HDAC1: variants seen among roughly 807,000 people sequenced by gnomAD.
HDAC1 encodes histone deacetylase 1, also known as protein deacetylase HDAC1.
In HDAC1, 18 loss-of-function variants were observed where a neutral mutation model predicts 65.5. That is an observed-to-expected ratio of 0.27 (90% CI 0.19 to 0.41). The LOEUF (loss-of-function observed/expected upper bound fraction) is 0.41, where lower values mean the gene tolerates loss of function less well. HDAC1 is among the 10% of genes least tolerant of loss of function. HDAC1 has a pLI of 1.00. For synonymous variants in HDAC1, 211 were observed against 227.9 expected (o/e 0.93, Z 0.67); for missense variants, 373 against 625.2 (o/e 0.60, Z 4.30).
intron 2 of HDAC1, among the ~76,000 whole-genome samples, chr1:32,304,997 C>G (rs760457167): frequency 2.6e-5 from 4 of 152,146 alleles, no homozygotes; most frequent in Non-Finnish European, 5.9e-5. Context: ...TAAGCATCAG[C>G]CACCATGCCT....
chr1:32,326,855 ACCTTTCACTAGGTTC>A, intron 4 of HDAC1, 69 bp from the exon 5 acceptor site: 1 of 1,495,650 alleles, frequency 6.7e-7, no homozygotes, highest in East Asian at 2.3e-5. Flanking sequence ...GCAGGTCTTA[ACCTTTCACTAGGTTC>A]CCTGGGCTTC....
At chr1:32,314,422 G>A (rs1333668747) in intron 2 of HDAC1, among the ~76,000 whole-genome samples, 1 of 151,958 alleles carries the variant, frequency 6.6e-6, no homozygotes, top group Non-Finnish European at 1.5e-5. Flanking sequence ...CAAACTCCTG[G>A]GTTCAAGTGA....
chr1:32,332,207 A>C lies in HDAC1; in HGVS notation c.1337A>C (p.Glu446Ala). 6.2e-7 allele frequency: 1 copy of C among 1,613,372 alleles called. No homozygotes were observed. The highest frequency in any genetic ancestry group is 1.1e-5 in the South Asian group (1 of 91,036). ...AAAAAAGCCAAGAGAGTCAAAACAG[A>C]GGATGAAAAAGAGAAAGACCCAGAG... ...NFKKAKRVKT[E>A]DEKEKDPEEK... The change falls in exon 12 of 14, where the codon GAG becomes GCG. Residue 446 changes from glutamate (E) to alanine (A), a missense_variant. Coordinates refer to ENST00000373548, the MANE Select transcript of HDAC1 (RefSeq NM_004964.3).
intron 1 of HDAC1, 162 bp downstream of exon 1, chr1:32,292,380 T>A: frequency 1.0e-6 from 1 of 984,816 alleles, no homozygotes; most frequent in African/African-American, 1.8e-5. Context: ...GGGAGGAGGC[T>A]GCGAGGAAGG....
intron 2 of HDAC1, among the ~76,000 whole-genome samples, chr1:32,312,322 C>G (rs2148062871): frequency 6.6e-6 from 1 of 152,100 alleles, no homozygotes; most frequent in South Asian, 2.1e-4. Context: ...TCTATAGTTT[C>G]CTCCCTGTGA....
rs1641241010 is a variant in HDAC1, at chr1:32,327,889, C to T, written c.636+212C>T. 6.6e-6 allele frequency: 4 copies of T among 601,900 alleles called. No individual in the cohort carries two copies. The highest frequency in any genetic ancestry group is 2.9e-4 in the Middle Eastern group (1 of 3,438). The allele number at this position is 601,900 out of a possible 1,614,324, so 37.3% of individuals were successfully genotyped here. A position where few individuals can be genotyped will look rare whatever the true frequency, so the allele number is the denominator to read the frequency against. ...AAAGGGCCAGAGAAAGAAGAGGGGT[C>T]TCCTGACTCACTGTACTTTCCTCCT... is the stretch of plus-strand genomic sequence containing the variant. On this transcript the variant is annotated intron_variant, in intron 6 of 13. Coordinates refer to ENST00000373548, the MANE Select transcript of HDAC1 (RefSeq NM_004964.3). The surrounding 1 kb of genome is among the most constrained non-coding windows in gnomAD (Gnocchi z 6.0).
rs1641264872 is a variant in HDAC1, at chr1:32,329,660, A to G, written c.729+500A>G. ...GTCAGCCCATCCAGAGATTCTGGAAAGGCTGTGTGGCATGTTCCATGGGTA... is the reference window on the plus strand; with the variant it reads ...GTCAGCCCATCCAGAGATTCTGGAAGGGCTGTGTGGCATGTTCCATGGGTA... On this transcript the variant is annotated intron_variant, in intron 7 of 13. Coordinates refer to ENST00000373548, the MANE Select transcript of HDAC1 (RefSeq NM_004964.3). This position sits in a 1 kb window ranked among gnomAD's most constrained non-coding sequence, Gnocchi z 4.1. 1 of 172,360 alleles carries G rather than the reference A, an allele frequency of 5.8e-6. No individual in the cohort carries two copies. The highest frequency in any genetic ancestry group is 1.3e-5 in the Non-Finnish European group (1 of 79,088). 10.7% of individuals were successfully genotyped at this position (172,360 alleles called of 1,614,324 possible). A position where few individuals can be genotyped will look rare whatever the true frequency, so the allele number is the denominator to read the frequency against.
intron 1 of HDAC1, among the ~76,000 whole-genome samples, chr1:32,296,590 G>T (rs1640769808): frequency 6.6e-6 from 1 of 152,140 alleles, no homozygotes. Context: ...TGTTGCCCAG[G>T]CTGGTCTCAA....
Position 32,331,341 on chromosome 1 carries a change from G to A in HDAC1, c.980-133G>A, listed in dbSNP as rs1333445488. ...CCCATAGGTACCCGTGTCTCACAGT[G>A]TCTTGGAGGCATTCTCCTCTGTTTG... On this transcript the variant is annotated intron_variant, in intron 9 of 13. Transcript: ENST00000373548. This position sits in a 1 kb window ranked among gnomAD's most constrained non-coding sequence, Gnocchi z 4.2. The A allele has an allele frequency of 9.3e-6, 6 of 648,228 alleles. No homozygotes were observed. Among genetic ancestry groups the A allele is most frequent in the Non-Finnish European group, 5.6e-6 (2 of 355,242 alleles). The allele number at this position is 648,228 out of a possible 1,614,324, so 40.2% of individuals were successfully genotyped here.
intron 1 of HDAC1, among the ~76,000 whole-genome samples, chr1:32,300,084 A>G (rs1246863767): frequency 1.3e-5 from 2 of 152,002 alleles, no homozygotes; most frequent in Non-Finnish European, 2.9e-5. Context: ...GGAAAATCCA[A>G]TGTAGCTTTT....
intron 3 of HDAC1, among the ~76,000 whole-genome samples, chr1:32,319,525 G>A (rs1253008052): frequency 6.6e-6 from 1 of 152,124 alleles, no homozygotes; most frequent in Non-Finnish European, 1.5e-5. Flanking sequence ...CCAGGGTACA[G>A]TACAGTGGCA....
chr1:32,317,981 C>G (rs1641087023), intron 3 of HDAC1, among the ~76,000 whole-genome samples: 1 of 152,146 alleles, frequency 6.6e-6, no homozygotes, highest in South Asian at 2.1e-4. Context: ...TTTTTTGAGA[C>G]AGAGTTTCGC....
At position 32,323,296 on chromosome 1, in the gene HDAC1, C is replaced by T. The variant is rs552832465; in HGVS notation, c.281-1183C>T. The stretch of plus-strand genomic sequence containing the variant: ...AGCCTGGGCAACAAGAGCAAAACTC[C>T]GTCTCAAAAAAAAAACAGACAAACC... On this transcript the variant is annotated intron_variant, in intron 3 of 13. Transcript: ENST00000373548. Among the ~76,000 whole-genome samples, 6 of 151,720 alleles carry T rather than the reference C, an allele frequency of 4.0e-5. No homozygotes were observed. The South Asian group carries it at 6.2e-4, about 16-fold the overall frequency.
intron 3 of HDAC1, among the ~76,000 whole-genome samples, chr1:32,320,199 G>A (rs1376985945): frequency 5.3e-5 from 8 of 150,456 alleles, no homozygotes; most frequent in Admixed American, 2.0e-4. Flanking sequence ...CAGCTTGGGC[G>A]ACAGAGCGAG....
chr1:32,316,842 T>C (rs1235762516), intron 3 of HDAC1, 60 bp downstream of exon 3: 2 of 1,032,120 alleles, frequency 1.9e-6, no homozygotes, highest in Non-Finnish European at 3.1e-6. Context: ...CTTTCCACTG[T>C]AGAGGCCCAT....
intron 2 of HDAC1, among the ~76,000 whole-genome samples, chr1:32,305,188 G>C (rs1640895564): frequency 6.6e-6 from 1 of 152,100 alleles, no homozygotes; most frequent in Non-Finnish European, 1.5e-5. Context: ...ACCTGTAGCT[G>C]TATTTATTTT....
At position 32,330,544 on chromosome 1, in the gene HDAC1, T is replaced by G; in HGVS notation, c.730-34T>G. On this transcript the variant is annotated intron_variant, in intron 7 of 13. Coordinates refer to ENST00000373548, the MANE Select transcript of HDAC1 (RefSeq NM_004964.3). The surrounding 1 kb of genome is among the most constrained non-coding windows in gnomAD (Gnocchi z 4.2). ...CACTCCAAACCTCGTATTGCTTTCTTGAGGTTGGTGGTGACCAGGATGTAT... is the reference window on the plus strand; with the variant it reads ...CACTCCAAACCTCGTATTGCTTTCTGGAGGTTGGTGGTGACCAGGATGTAT... 3.6e-4 allele frequency: 520 copies of G among 1,438,918 alleles called. No homozygotes were observed. The highest frequency in any genetic ancestry group is 4.6e-4 in the Non-Finnish European group (474 of 1,020,666). The allele number at this position is 1,438,918 out of a possible 1,614,324, so 89.1% of individuals were successfully genotyped here.
At chr1:32,293,311 GCT>G (rs1640723727) in intron 1 of HDAC1, among the ~76,000 whole-genome samples, 1 of 146,838 alleles carries the variant, frequency 6.8e-6, no homozygotes, top group Non-Finnish European at 1.5e-5. Flanking sequence ...ACAGAGCGAG[GCT>G]CTGTCTTAAA....
At chr1:32,301,943 CTT>C (rs1296111233) in intron 1 of HDAC1, among the ~76,000 whole-genome samples, 1 of 152,144 alleles carries the variant, frequency 6.6e-6, no homozygotes, top group Non-Finnish European at 1.5e-5. Context: ...ATTCTTTACT[CTT>C]TATCCTGTAG....
Sources: allele counts gnomAD v4.1 joint callset (sites outside exome capture counted in the v4.1 genomes callset), GRCh38; gene constraint gnomAD v4.1.1; non-coding constraint Gnocchi (gnomAD v3.1); transcripts MANE v1.5; gene names NCBI Gene and HGNC (gene_info 2026-07-23, HGNC 2026-07-21).